RHOJ: variants seen among roughly 807,000 people sequenced by gnomAD.
The protein encoded by RHOJ is ras homolog family member J, also known as rho-related GTP-binding protein RhoJ.
RHOJ carries 11 observed loss-of-function variants against 23.4 expected under a neutral mutation model. The observed-to-expected ratio is 0.47, with a 90% confidence interval of 0.30 to 0.78. The LOEUF is 0.78. RHOJ is among the 30% of genes least tolerant of loss of function. The pLI is 0.08. For missense variants in RHOJ, 254 were observed against 273.4 expected (o/e 0.93, Z 0.50); for synonymous variants, 102 against 102.7 (o/e 0.99, Z 0.04).
intron 1 of RHOJ, among the ~76,000 whole-genome samples, chr14:63,255,764 G>T (rs146898877): frequency 7.0e-4 from 107 of 152,256 alleles, no homozygotes; most frequent in African/African-American, 2.2e-3. Context: ...AGAGGCTCTG[G>T]CCTTGACTTC....
intron 1 of RHOJ, among the ~76,000 whole-genome samples, chr14:63,238,789 G>T (rs1055152180): frequency 6.6e-6 from 1 of 152,148 alleles, no homozygotes; most frequent in African/African-American, 2.4e-5. Flanking sequence ...CCCTGTTCAT[G>T]CCTCAGGAAC....
At position 63,204,514 on chromosome 14, in the gene RHOJ, G is replaced by GT. The variant is rs562912830; in HGVS notation, c.-355dup. Reference sequence around the variant, plus strand: ...GAGAAAGATTTAGCAAAATTCCACCGTATCTTTTGCCAGGCTAGAGACAGG... The same window carrying GT: ...GAGAAAGATTTAGCAAAATTCCACCGTTATCTTTTGCCAGGCTAGAGACAGG... On this transcript the variant is annotated 5_prime_UTR_variant, in exon 1 of 5. Transcript: ENST00000316754. The GT allele has an allele frequency of 1.8e-4, 40 of 222,146 alleles. No homozygotes were observed. The East Asian group carries it at 4.6e-3, about 26-fold the overall frequency. The allele number at this position is 222,146 out of a possible 1,614,324, so 13.8% of individuals were successfully genotyped here. A position where few individuals can be genotyped will look rare whatever the true frequency, so the allele number is the denominator to read the frequency against.
intron 4 of RHOJ, among the ~76,000 whole-genome samples, chr14:63,286,370 T>C (rs182729408): frequency 1.8e-4 from 27 of 151,958 alleles, no homozygotes; most frequent in Admixed American, 1.7e-3. Flanking sequence ...CGGAAGGAGG[T>C]TTCAGAGATT....
chr14:63,265,841 G>T (rs1204195709), intron 1 of RHOJ, among the ~76,000 whole-genome samples: 1 of 152,212 alleles, frequency 6.6e-6, no homozygotes, highest in East Asian at 1.9e-4. Flanking sequence ...ACTGGCAATT[G>T]GTTGAAAGGG....
intron 2 of RHOJ, among the ~76,000 whole-genome samples, chr14:63,274,302 C>T (rs1348883037): frequency 6.6e-6 from 1 of 152,150 alleles, no homozygotes; most frequent in African/African-American, 2.4e-5. Flanking sequence ...ATTTCTTGCT[C>T]ACGTGTATCT....
chr14:63,286,258 A>T (rs1238640601), intron 4 of RHOJ, among the ~76,000 whole-genome samples: 2 of 152,190 alleles, frequency 1.3e-5, no homozygotes, highest in Non-Finnish European at 2.9e-5. Flanking sequence ...CCAGAAGAGG[A>T]GGGAGACAGG....
At chr14:63,280,159 G>A (rs545391548) in intron 2 of RHOJ, among the ~76,000 whole-genome samples, 2 of 152,270 alleles carry the variant, frequency 1.3e-5, no homozygotes, top group Non-Finnish European at 2.9e-5. Context: ...GAGTAGCTGG[G>A]ACTACAGGCG....
At chr14:63,254,083 C>T (rs1051815135) in intron 1 of RHOJ, among the ~76,000 whole-genome samples, 3 of 152,116 alleles carry the variant, frequency 2.0e-5, no homozygotes, top group Non-Finnish European at 4.4e-5. Context: ...TCCCCCAGGA[C>T]CTGAAATTGA....
chr14:63,222,784 A>C (rs1185097831), intron 1 of RHOJ, among the ~76,000 whole-genome samples: 9 of 151,676 alleles, frequency 5.9e-5, no homozygotes, highest in Admixed American at 5.9e-4. Flanking sequence ...TTGCCTGTTC[A>C]CTCTGATGGT....
chr14:63,262,886 G>T (rs1382981537), intron 1 of RHOJ, among the ~76,000 whole-genome samples: 1 of 152,208 alleles, frequency 6.6e-6, no homozygotes, highest in African/African-American at 2.4e-5. Flanking sequence ...TTATAGGGTA[G>T]AAAATGACTA....
chr14:63,265,497 C>CT (rs1318379486), intron 1 of RHOJ, among the ~76,000 whole-genome samples: 1 of 152,186 alleles, frequency 6.6e-6, no homozygotes, highest in Non-Finnish European at 1.5e-5. Flanking sequence ...ATTGCTTTAG[C>CT]TATTCAGGTT....
At chr14:63,274,739 C>T (rs150040544) in intron 2 of RHOJ, among the ~76,000 whole-genome samples, 13 of 152,288 alleles carry the variant, frequency 8.5e-5, no homozygotes, top group African/African-American at 3.1e-4. Context: ...GAAAGGGAGG[C>T]ATGGAGAACT....
chr14:63,287,147 G>A (rs1212647336), intron 4 of RHOJ, among the ~76,000 whole-genome samples: 11 of 151,758 alleles, frequency 7.2e-5, no homozygotes, highest in Non-Finnish European at 1.3e-4. Context: ...TACTATATCC[G>A]TAACAGCTTT....
rs1882311293 is a variant in RHOJ at position 63,293,357 on chromosome 14, C to T, written c.*2333C>T. On this transcript the variant is annotated 3_prime_UTR_variant, in exon 5 of 5. Transcript: ENST00000316754. ...AATAGCTCCCGAGGTCACCACTTCC[C>T]TAATGGGCCACAGGAAGTAAGTTGA... 6.6e-6 allele frequency: 1 copy of T among 152,196 alleles called. No individual in the cohort carries two copies. The highest frequency in any genetic ancestry group is 1.5e-5 in the Non-Finnish European group (1 of 68,038). 9.4% of individuals were successfully genotyped at this position (152,196 alleles called of 1,614,324 possible).
chr14:63,210,794 G>A lies in RHOJ; in HGVS notation c.178+5747G>A, dbSNP rs368514554. On this transcript the variant is annotated intron_variant, in intron 1 of 4. Transcript: ENST00000316754. ...AGATTGTGTACATGGTTTATATGTCGGGGTACATAGGTGTGTAAAATAAGC... is the reference window on the plus strand; with the variant it reads ...AGATTGTGTACATGGTTTATATGTCAGGGTACATAGGTGTGTAAAATAAGC... 5.3e-5 allele frequency among the ~76,000 whole-genome samples: 8 copies of A among 152,292 alleles called. No individual in the cohort carries two copies. The East Asian group carries it at 5.8e-4, about 11-fold the overall frequency.
rs558956707 is a variant in RHOJ, at chr14:63,289,836, G to A, written c.499-1042G>A. ...CATTTAAATATATAGACTGTACACT[G>A]ACAGGATGTCTCTGGCATTAAATGT... On this transcript the variant is annotated intron_variant, in intron 4 of 4. Transcript: ENST00000316754. Among the ~76,000 whole-genome samples the A allele has an allele frequency of 2.6e-5, 4 of 152,032 alleles. No individual in the cohort carries two copies. In the East Asian group the frequency reaches 7.7e-4, roughly 29 times the overall value.
chr14:63,273,689 C>T (rs1895512196), intron 2 of RHOJ, among the ~76,000 whole-genome samples: 1 of 152,216 alleles, frequency 6.6e-6, no homozygotes. Context: ...CTTGATGTGG[C>T]CTCACCTAGA....
chr14:63,222,114 G>A (rs940206469), intron 1 of RHOJ, among the ~76,000 whole-genome samples: 84 of 151,652 alleles, frequency 5.5e-4, no homozygotes, highest in African/African-American at 1.9e-3. Context: ...TGAGAATGAT[G>A]GTTTCCAGCT....
chr14:63,274,334 A>G (rs536434279), intron 2 of RHOJ, among the ~76,000 whole-genome samples: 2 of 152,310 alleles, frequency 1.3e-5, no homozygotes, highest in African/African-American at 4.8e-5. Flanking sequence ...TTTCAGGAGT[A>G]GGCAATTTGG....
Sources: gnomAD v4.1 joint callset for allele counts (sites outside exome capture counted in the v4.1 genomes callset) on GRCh38, gnomAD v4.1.1 for gene constraint, MANE v1.5 for transcripts, NCBI Gene and HGNC (gene_info 2026-07-23, HGNC 2026-07-21) for gene names.